Variants in RASEF observed in about 807,000 individuals in gnomAD.
RASEF encodes ras and EF-hand domain-containing protein.
RASEF carries 68 observed loss-of-function variants against 90.1 expected under a neutral mutation model. That is an observed-to-expected ratio of 0.75 (90% CI 0.62 to 0.92). RASEF has a LOEUF of 0.92. Among genes scored for constraint, RASEF ranks in the 40% least tolerant of loss-of-function variants. RASEF has a pLI of 0.00. For missense variants in RASEF, 949 were observed against 937.2 expected (o/e 1.01, Z -0.16); for synonymous variants, 331 against 345.2 (o/e 0.96, Z 0.46).
the RASEF span, among the ~76,000 whole-genome samples, chr9:83,141,084 A>G: frequency 8.0e-5 from 12 of 150,244 alleles, no homozygotes; most frequent in Admixed American, 4.0e-4. Context: ...CGGAGGCTGC[A>G]GTGAGCCGAT....
chr9:83,147,028 G>GTATATATATATATATATA, the RASEF span, among the ~76,000 whole-genome samples: 1 of 31,310 alleles, frequency 3.2e-5, no homozygotes, highest in Non-Finnish European at 6.5e-5. Flanking sequence ...GTGTGTGTGT[G>GTATATATATATATATATA]TATATATATA....
the RASEF span, among the ~76,000 whole-genome samples, chr9:83,097,193 CTGAGGAA>C: frequency 6.6e-6 from 1 of 152,108 alleles, no homozygotes; most frequent in African/African-American, 2.4e-5. Flanking sequence ...TTCTAGATCC[CTGAGGAA>C]TCGCCACACT....
the RASEF span, among the ~76,000 whole-genome samples, chr9:83,083,549 T>G: frequency 6.6e-6 from 1 of 152,088 alleles, no homozygotes. Context: ...TGAAACAAGA[T>G]GTACATTTCA....
chr9:83,048,411 A>G, intron 1 of RASEF: 1 of 985,310 alleles, frequency 1.0e-6, no homozygotes, highest in Non-Finnish European at 1.2e-6. Flanking sequence ...GCTACTTTAT[A>G]TCCTCACTGA....
At chr9:83,032,129 T>C (rs1274945763) in intron 1 of RASEF, among the ~76,000 whole-genome samples, 1 of 152,154 alleles carries the variant, frequency 6.6e-6, no homozygotes, top group African/African-American at 2.4e-5. Context: ...CACCATTACT[T>C]GGTGCCAAGA....
At chr9:83,112,821 G>T in the RASEF span, among the ~76,000 whole-genome samples, 13 of 151,904 alleles carry the variant, frequency 8.6e-5, no homozygotes, top group South Asian at 4.2e-4. Context: ...CTAATTTTGG[G>T]TTTTTTTGTT....
At chr9:83,054,997 T>G (rs1830076343) in intron 1 of RASEF, 1 of 143,308 alleles carries the variant, frequency 7.0e-6, no homozygotes, top group Non-Finnish European at 1.5e-5. Flanking sequence ...GCTGTCTTTT[T>G]GTTTGTCTGT....
intron 3 of RASEF, among the ~76,000 whole-genome samples, chr9:83,016,346 A>T (rs1340535439): frequency 6.6e-6 from 1 of 151,274 alleles, no homozygotes; most frequent in Admixed American, 6.6e-5. Context: ...CATCACTGCA[A>T]ATTTCTATGC....
the RASEF span, among the ~76,000 whole-genome samples, chr9:83,082,595 A>T: frequency 6.6e-6 from 1 of 152,240 alleles, no homozygotes; most frequent in African/African-American, 2.4e-5. Context: ...CCAACATGCA[A>T]GACAAAAAGG....
the RASEF span, among the ~76,000 whole-genome samples, chr9:83,100,955 G>A: frequency 7.0e-3 from 1,062 of 152,176 alleles, 7 homozygotes; most frequent in Non-Finnish European, 0.012. Flanking sequence ...CAACTATTAG[G>A]TATATTACCT....
At chr9:83,110,748 T>A in the RASEF span, among the ~76,000 whole-genome samples, 3 of 152,184 alleles carry the variant, frequency 2.0e-5, no homozygotes, top group African/African-American at 7.2e-5. Context: ...CTGGCTCTCA[T>A]GCTGTTGGTG....
chr9:83,030,073 C>T (rs1343191205), intron 1 of RASEF, among the ~76,000 whole-genome samples: 1 of 152,174 alleles, frequency 6.6e-6, no homozygotes, highest in African/African-American at 2.4e-5. Context: ...CATTAAGATA[C>T]TGTCACCGAG....
the RASEF span, among the ~76,000 whole-genome samples, chr9:83,163,482 G>A: frequency 6.6e-6 from 1 of 152,152 alleles, no homozygotes; most frequent in Non-Finnish European, 1.5e-5. Flanking sequence ...GGATAAAGTA[G>A]ACAGCATGCA....
intron 1 of RASEF, among the ~76,000 whole-genome samples, chr9:83,038,083 C>T (rs1006914811): frequency 6.6e-6 from 1 of 151,828 alleles, no homozygotes; most frequent in Non-Finnish European, 1.5e-5. Flanking sequence ...ATTGAGAAGT[C>T]CTATAATTTT....
the RASEF span, among the ~76,000 whole-genome samples, chr9:83,095,368 A>G: frequency 6.6e-6 from 1 of 151,362 alleles, no homozygotes; most frequent in Admixed American, 6.6e-5. Flanking sequence ...CGTCACCCCT[A>G]TGGCAGCAGG....
intron 1 of RASEF, among the ~76,000 whole-genome samples, chr9:83,036,483 T>C (rs917080972): frequency 2.0e-5 from 3 of 152,244 alleles, no homozygotes; most frequent in African/African-American, 4.8e-5. Context: ...TCGGATGCTC[T>C]TGCTACAGTG....
At chr9:83,052,311 G>T (rs1207267802) in intron 1 of RASEF, among the ~76,000 whole-genome samples, 1 of 139,154 alleles carries the variant, frequency 7.2e-6, no homozygotes, top group Non-Finnish European at 1.5e-5. Context: ...ATTTCTTCTA[G>T]ATTTTCTAGT....
chr9:82,979,945 G>C lies in RASEF; in HGVS notation c.*2732C>G, dbSNP rs1828568057. Reference sequence around the variant, plus strand: ...TTCAGCAGGAGGGTTGTGCAACTTGGGTTTATGCAGATCACATCAAGTGTT... The same window carrying C: ...TTCAGCAGGAGGGTTGTGCAACTTGCGTTTATGCAGATCACATCAAGTGTT... On this transcript the variant is annotated 3_prime_UTR_variant, in exon 17 of 17. Coordinates refer to ENST00000376447, the MANE Select transcript of RASEF (RefSeq NM_152573.4). 6.6e-6 allele frequency: 1 copy of C among 151,916 alleles called. No individual in the cohort carries two copies. Among genetic ancestry groups the C allele is most frequent in the African/African-American group, 2.4e-5 (1 of 41,342 alleles). 9.4% of individuals were successfully genotyped at this position (151,916 alleles called of 1,614,324 possible).
At chr9:83,190,163 C>T in the RASEF span, among the ~76,000 whole-genome samples, 1 of 152,162 alleles carries the variant, frequency 6.6e-6, no homozygotes, top group Admixed American at 6.5e-5. Flanking sequence ...TAATTAGCGA[C>T]ACAAATTTCT....
Sources: gnomAD v4.1 joint callset for allele counts (sites outside exome capture counted in the v4.1 genomes callset) on GRCh38, gnomAD v4.1.1 for gene constraint, MANE v1.5 for transcripts, NCBI Gene and HGNC (gene_info 2026-07-23, HGNC 2026-07-21) for gene names.